The following SPDYE5 variants were observed in gnomAD, a reference collection of about 807,000 sequenced individuals.
SPDYE5 encodes speedy protein E5.
SPDYE5 carries 15 observed loss-of-function variants against 48.5 expected under a neutral mutation model. The observed-to-expected ratio is 0.31, with a 90% CI of 0.21 to 0.48. The LOEUF (loss-of-function observed/expected upper bound fraction) is 0.48, where lower values mean the gene tolerates loss of function less well. Ranked by LOEUF, SPDYE5 falls within the 20% of genes least tolerant of loss-of-function variation. The pLI, the probability that SPDYE5 is intolerant of heterozygous loss-of-function variation, is 0.99. For synonymous variants in SPDYE5, 116 were observed against 200.7 expected (o/e 0.58, Z 3.57); for missense variants, 331 against 549.1 (o/e 0.60, Z 3.97).
At chr7:75,492,303 G>GA (rs1792764855), upstream of SPDYE5, among the ~76,000 whole-genome samples, 1 of 152,146 alleles carries the variant, frequency 6.6e-6, no homozygotes. Context: ...TTGAACTCCA[G>GA]AAAAGCAGAG....
intron 6 of SPDYE5, among the ~76,000 whole-genome samples, chr7:75,499,796 C>CA (rs1471736247): frequency 2.4e-3 from 253 of 104,576 alleles, no homozygotes; most frequent in African/African-American, 8.4e-3. Flanking sequence ...AAAAAAAAGC[C>CA]AAAAAAACAA....
At chr7:75,496,001 T>G (rs1435843351) in intron 3 of SPDYE5, among the ~76,000 whole-genome samples, 2 of 149,530 alleles carry the variant, frequency 1.3e-5, no homozygotes, top group Non-Finnish European at 1.5e-5. Flanking sequence ...CTGCATTTTT[T>G]TGAGACGCTG....
At chr7:75,492,553 T>G (rs62477717) in intron 1 of SPDYE5, among the ~76,000 whole-genome samples, 112 bp downstream of exon 1, 112,657 of 151,310 alleles carry the variant, frequency 0.74, 42,717 homozygotes, top group East Asian at 0.96. Flanking sequence ...ATTCTCCAGC[T>G]CCCTCTCCTG....
chr7:75,492,581 G>C (rs1242407702), intron 1 of SPDYE5, among the ~76,000 whole-genome samples, 140 bp downstream of exon 1: 2 of 151,804 alleles, frequency 1.3e-5, no homozygotes, highest in African/African-American at 4.8e-5. Context: ...GCGATTACAG[G>C]CATCCACCAC....
At chr7:75,500,703 T>C (rs1554483284) in intron 6 of SPDYE5, among the ~76,000 whole-genome samples, 1 of 151,896 alleles carries the variant, frequency 6.6e-6, no homozygotes, top group Non-Finnish European at 1.5e-5. Context: ...CTGGACTGTT[T>C]GTTTGTTTGT....
At chr7:75,494,474 G>A (rs1792850383) in intron 2 of SPDYE5, among the ~76,000 whole-genome samples, 1 of 151,122 alleles carries the variant, frequency 6.6e-6, no homozygotes. Context: ...TTGAGACTGG[G>A]AGGAAGAGGT....
chr7:75,504,203 G>A lies in SPDYE5; in HGVS notation c.*1416G>A, dbSNP rs1241771001. 6.6e-6 allele frequency: 1 copy of A among 152,010 alleles called. No individual in the cohort carries two copies. Among genetic ancestry groups the A allele is most frequent in the Non-Finnish European group, 1.5e-5 (1 of 68,014 alleles). The allele number at this position is 152,010 out of a possible 1,614,324, so 9.4% of individuals were successfully genotyped here. On this transcript the variant is annotated 3_prime_UTR_variant, in exon 9 of 9. Coordinates refer to ENST00000625065, the MANE Select transcript of SPDYE5 (RefSeq NM_001306141.4). ...GCATGTTTGTATGTTACTTTAAAGA[G>A]GATGTGTGTTCTAAAGGAGGACATG...
At position 75,501,752 on chromosome 7, in the gene SPDYE5, G is replaced by A. The variant is rs782176686; in HGVS notation, c.1146G>A (p.Glu382=). The A allele has an allele frequency of 4.5e-5, 72 of 1,611,832 alleles. No individual in the cohort carries two copies. Among genetic ancestry groups the A allele is most frequent in the Admixed American group, 8.3e-5 (5 of 59,990 alleles). The change falls in exon 7 of 9, where the codon GAG becomes GAA. Residue 382 remains glutamate (E), a synonymous_variant. Coordinates refer to ENST00000625065, the MANE Select transcript of SPDYE5 (RefSeq NM_001306141.4). ...GRAWVSPEEL[E]EIQAYDPEHW... is the part of the protein sequence containing the mutation. ...CTTGGGTTTCCCCGGAGGAGTTGGA[G>A]GAGGTAGGTGGGGCCTGGGGAGGTG... is the stretch of plus-strand genomic sequence containing the variant.
intron 5 of SPDYE5, among the ~76,000 whole-genome samples, chr7:75,499,007 C>T (rs1305991987): frequency 3.4e-5 from 5 of 147,334 alleles, no homozygotes; most frequent in African/African-American, 9.7e-5. Flanking sequence ...TCGGAGCCCA[C>T]CATCCTGGGA....
intron 3 of SPDYE5, 103 bp downstream of exon 3, chr7:75,495,477 G>C: frequency 6.4e-7 from 1 of 1,553,712 alleles, no homozygotes; most frequent in East Asian, 2.4e-5. Context: ...CCCCCCGTGG[G>C]TGAGCTCTCC....
intron 4 of SPDYE5, among the ~76,000 whole-genome samples, chr7:75,497,245 C>A (rs1792968143): frequency 6.6e-6 from 1 of 151,944 alleles, no homozygotes; most frequent in South Asian, 2.1e-4. Flanking sequence ...GCACTCCAGC[C>A]TGGGTGACAG....
At chr7:75,502,415 T>G (rs1193028096) in intron 8 of SPDYE5, among the ~76,000 whole-genome samples, 4 of 151,776 alleles carry the variant, frequency 2.6e-5, no homozygotes, top group Non-Finnish European at 5.9e-5. Flanking sequence ...CATGAGGAGG[T>G]AGGATTAAGG....
intron 3 of SPDYE5, 45 bp from the exon 4 acceptor site, chr7:75,496,629 A>C: frequency 5.0e-6 from 8 of 1,597,352 alleles, no homozygotes; most frequent in Non-Finnish European, 6.8e-6. Context: ...CTCTAGTGTG[A>C]TCAACTGCAG....
At chr7:75,499,351 C>G in intron 6 of SPDYE5, 35 bp downstream of exon 6, 1 of 1,458,248 alleles carries the variant, frequency 6.9e-7, no homozygotes. Flanking sequence ...CATCAATATC[C>G]AATGCCCTGG....
At position 75,494,103 on chromosome 7, in the gene SPDYE5, C is replaced by A. The variant is rs370679066; in HGVS notation, c.56C>A (p.Thr19Lys). The change falls in exon 2 of 9, where the codon ACG becomes AAG. Residue 19 changes from threonine to lysine, a missense_variant. By Grantham distance (78) the Thr-to-Lys change is moderately conservative (BLOSUM62 -1). Coordinates refer to ENST00000625065, the MANE Select transcript of SPDYE5 (RefSeq NM_001306141.4). Reference sequence around the variant, plus strand: ...AGGGGACAGATTACGGAAAAGATCACGACCAGCCGTCAACCGCAACCCCAG... The same window carrying A: ...AGGGGACAGATTACGGAAAAGATCAAGACCAGCCGTCAACCGCAACCCCAG... ...RKRGQITEKI[T>K]TSRQPQPQNE... is the part of the protein sequence containing the mutation. 5 of 1,534,968 alleles carry A rather than the reference C, an allele frequency of 3.3e-6. No homozygotes were observed. Among genetic ancestry groups the A allele is most frequent in the Non-Finnish European group, 4.4e-6 (5 of 1,146,786 alleles).
chr7:75,491,804 C>T (rs1197717685), upstream of SPDYE5, among the ~76,000 whole-genome samples: 9 of 145,822 alleles, frequency 6.2e-5, no homozygotes, highest in Non-Finnish European at 4.5e-5. Flanking sequence ...CCTCTGCCTT[C>T]CAGGTTCAAG....
chr7:75,496,401 CAACAAAAAAAA>C (rs1792931916), intron 3 of SPDYE5, among the ~76,000 whole-genome samples: 1 of 44,548 alleles, frequency 2.2e-5, no homozygotes, highest in South Asian at 1.4e-3. Context: ...ACAACAACAA[CAACAAAAAAAA>C]AAAAAAAAAA....
chr7:75,492,005 G>A (rs368488242), upstream of SPDYE5, among the ~76,000 whole-genome samples: 11,085 of 151,980 alleles, frequency 0.073, 511 homozygotes, highest in Non-Finnish European at 0.1. Context: ...ATGAGCCACC[G>A]CGCCTGGTTT....
Position 75,496,682 on chromosome 7 carries a change from G to A in SPDYE5, c.388G>A (p.Val130Ile). ...CTGGTTTCTTTACTCAGCCCCTGGGGTAGATCCCAGCCCCCCGCATAGGTC... is the reference window on the plus strand; with the variant it reads ...CTGGTTTCTTTACTCAGCCCCTGGGATAGATCCCAGCCCCCCGCATAGGTC... ...KGFNSQLAPGVDPSPPHRSFC... is the reference protein window; with the variant it reads ...KGFNSQLAPGIDPSPPHRSFC... The change falls in exon 4 of 9, where the codon GTA (valine) becomes ATA (isoleucine). Residue 130 changes from valine to isoleucine, a missense_variant. Coordinates refer to ENST00000625065, the MANE Select transcript of SPDYE5 (RefSeq NM_001306141.4). 1 of 1,597,388 alleles carries A rather than the reference G, an allele frequency of 6.3e-7. No homozygotes were observed. The highest frequency in any genetic ancestry group is 8.5e-7 in the Non-Finnish European group (1 of 1,179,822).
Sources: gnomAD v4.1 joint callset for allele counts (sites outside exome capture counted in the v4.1 genomes callset) on GRCh38, gnomAD v4.1.1 for gene constraint, MANE v1.5 for transcripts, NCBI Gene and HGNC (gene_info 2026-07-23, HGNC 2026-07-21) for gene names.